Variants in SLC8A1 observed in about 807,000 individuals in gnomAD.
SLC8A1 encodes the protein sodium/calcium exchanger 1.
SLC8A1 carries 18 observed loss-of-function variants against 68.3 expected under a neutral mutation model. The ratio of observed to expected loss-of-function variants is 0.26; its 90% CI spans 0.18 to 0.39. SLC8A1 has a LOEUF of 0.39. SLC8A1 is among the 10% of genes least tolerant of loss of function. SLC8A1 has a pLI of 1.00. For synonymous variants in SLC8A1, 475 were observed against 415.5 expected (o/e 1.14, Z -1.74); for missense variants, 985 against 1,156.7 (o/e 0.85, Z 2.15).
intron 1 of SLC8A1, among the ~76,000 whole-genome samples, chr2:40,468,405 T>C (rs1703816711): frequency 6.6e-6 from 1 of 152,172 alleles, no homozygotes; most frequent in Non-Finnish European, 1.5e-5. Context: ...ACTTAGTTTA[T>C]TTTAATTATG....
chr2:40,204,538 A>G lies in SLC8A1; in HGVS notation c.1809-26683T>C, dbSNP rs1574020698. Among the ~76,000 whole-genome samples the G allele has an allele frequency of 3.3e-5, 5 of 152,016 alleles. No individual in the cohort carries two copies. In the East Asian group the frequency reaches 9.7e-4, roughly 29 times the overall value. ...GCTCCATTAGCTAATTAAATTTACAAAGCCCAACCAGTAAGAGAACATGGA... is the reference window on the plus strand; with the variant it reads ...GCTCCATTAGCTAATTAAATTTACAGAGCCCAACCAGTAAGAGAACATGGA... On this transcript the variant is annotated intron_variant, in intron 2 of 7. Transcript: ENST00000406785.
At chr2:40,213,898 G>A (rs2057029711) in intron 2 of SLC8A1, among the ~76,000 whole-genome samples, 1 of 152,040 alleles carries the variant, frequency 6.6e-6, no homozygotes, top group Non-Finnish European at 1.5e-5. Context: ...GAGACTTCAG[G>A]GCAATAATCT....
At chr2:40,485,543 T>C (rs955904101) in intron 1 of SLC8A1, among the ~76,000 whole-genome samples, 1 of 152,244 alleles carries the variant, frequency 6.6e-6, no homozygotes, top group African/African-American at 2.4e-5. Flanking sequence ...CCAGGTGATA[T>C]GTTCTTCCTC....
chr2:40,500,556 G>A (rs113487197), intron 1 of SLC8A1, among the ~76,000 whole-genome samples: 1 of 151,536 alleles, frequency 6.6e-6, no homozygotes, highest in African/African-American at 2.4e-5. Context: ...TAATATTTGG[G>A]GAAAAAATGG....
intron 2 of SLC8A1, among the ~76,000 whole-genome samples, chr2:40,370,721 C>A (rs1575775519): frequency 6.6e-6 from 1 of 152,044 alleles, no homozygotes; most frequent in South Asian, 2.1e-4. Context: ...GTCAGTATCT[C>A]ATGAAACTAA....
intron 2 of SLC8A1, among the ~76,000 whole-genome samples, chr2:40,331,595 A>G (rs1440967392): frequency 6.6e-6 from 1 of 151,450 alleles, no homozygotes; most frequent in Non-Finnish European, 1.5e-5. Context: ...ATTTTATTTT[A>G]TGTTTATTTT....
intron 1 of SLC8A1, among the ~76,000 whole-genome samples, chr2:40,432,611 A>G (rs1179140634): frequency 1.3e-5 from 2 of 151,838 alleles, no homozygotes; most frequent in Non-Finnish European, 2.9e-5. Context: ...GGCACAGTCT[A>G]AAAACACAGA....
chr2:40,332,985 T>C (rs1211317336), intron 2 of SLC8A1, among the ~76,000 whole-genome samples: 1 of 152,230 alleles, frequency 6.6e-6, no homozygotes. Flanking sequence ...CAATACAAGC[T>C]GAAATAAAAA....
At chr2:40,312,909 T>C (rs2149312072) in intron 2 of SLC8A1, among the ~76,000 whole-genome samples, 1 of 152,170 alleles carries the variant, frequency 6.6e-6, no homozygotes, top group South Asian at 2.1e-4. Flanking sequence ...AAACTGAACA[T>C]AAAGTGTTCA....
intron 1 of SLC8A1, among the ~76,000 whole-genome samples, chr2:40,436,900 T>C (rs887028601): frequency 6.6e-6 from 1 of 152,116 alleles, no homozygotes; most frequent in Non-Finnish European, 1.5e-5. Context: ...TCTAATTCAT[T>C]ATGCCAGAAC....
chr2:40,267,202 C>T (rs533520581), intron 2 of SLC8A1, among the ~76,000 whole-genome samples: 1 of 152,274 alleles, frequency 6.6e-6, no homozygotes, highest in South Asian at 2.1e-4. Context: ...GATGTATTAG[C>T]AGGATCCTGG....
chr2:40,360,148 G>A (rs887556289), intron 2 of SLC8A1, among the ~76,000 whole-genome samples: 1 of 152,084 alleles, frequency 6.6e-6, no homozygotes, highest in South Asian at 2.1e-4. Flanking sequence ...GCTCAAAATT[G>A]ATTGAAGTTC....
At chr2:40,435,268 T>C (rs1699163710) in intron 1 of SLC8A1, among the ~76,000 whole-genome samples, 1 of 152,152 alleles carries the variant, frequency 6.6e-6, no homozygotes, top group Non-Finnish European at 1.5e-5. Flanking sequence ...CCTTATCCAC[T>C]ACCAAGGCAA....
intron 2 of SLC8A1, among the ~76,000 whole-genome samples, chr2:40,287,587 T>TGG (rs200449108): frequency 0.019 from 2,278 of 117,596 alleles, 54 homozygotes; most frequent in African/African-American, 0.084. Flanking sequence ...GAATGATGTG[T>TGG]GTGTGTGTGT....
chr2:40,501,577 T>A (rs936674724), intron 1 of SLC8A1, among the ~76,000 whole-genome samples: 24 of 152,082 alleles, frequency 1.6e-4, no homozygotes, highest in African/African-American at 5.6e-4. Flanking sequence ...TGTAACTAAA[T>A]CAGTAACTTA....
intron 1 of SLC8A1, among the ~76,000 whole-genome samples, chr2:40,490,870 A>T (rs944150481): frequency 6.6e-6 from 1 of 152,156 alleles, no homozygotes; most frequent in Non-Finnish European, 1.5e-5. Flanking sequence ...AGAGAATCAT[A>T]TGCATCGTAC....
intron 2 of SLC8A1, among the ~76,000 whole-genome samples, chr2:40,306,723 T>C (rs2072688478): frequency 6.6e-6 from 1 of 152,154 alleles, no homozygotes; most frequent in South Asian, 2.1e-4. Context: ...CAATGTCAAT[T>C]ACTGCACGTA....
Position 40,429,567 on chromosome 2 carries a change from A to C in SLC8A1, c.714T>G (p.Thr238=), listed in dbSNP as rs751680239. Residue 238 remains threonine (T), a synonymous_variant, in exon 2 of 8, where the codon ACT becomes ACG. Coordinates refer to ENST00000406785, the Ensembl canonical transcript of SLC8A1. ...CAACACAGATGGGAAAGAAGAAGAA[A>C]GTAAGCAAACCTTCCCAGACCTCCA... 1.9e-6 allele frequency: 3 copies of C among 1,613,748 alleles called. No homozygotes were observed. In the South Asian group the frequency reaches 3.3e-5, roughly 18 times the overall value.
chr2:40,302,031 C>CTGTGTG (rs374407377), intron 2 of SLC8A1, among the ~76,000 whole-genome samples: 12,219 of 132,200 alleles, frequency 0.092, 702 homozygotes, highest in African/African-American at 0.14. Flanking sequence ...CCGGGCTAAT[C>CTGTGTG]TGTGTGTGTG....
Sources: gnomAD v4.1 joint callset for allele counts (sites outside exome capture counted in the v4.1 genomes callset) on GRCh38, gnomAD v4.1.1 for gene constraint, MANE v1.5 for transcripts, NCBI Gene and HGNC (gene_info 2026-07-23, HGNC 2026-07-21) for gene names.